CELF2: variants seen among roughly 807,000 people sequenced by gnomAD.
CELF2 encodes CUG triplet repeat RNA-binding protein 2.
A neutral mutation model predicts 62.6 loss-of-function variants in CELF2; 8 were observed. The ratio of observed to expected loss-of-function variants is 0.13; its 90% CI spans 0.07 to 0.23. The LOEUF is 0.23. CELF2 is among the 10% of genes least tolerant of loss of function. CELF2 has a pLI of 1.00. For synonymous variants in CELF2, 258 were observed against 250.0 expected (o/e 1.03, Z -0.30); for missense variants, 333 against 671.0 (o/e 0.50, Z 5.56).
the CELF2 span, among the ~76,000 whole-genome samples, chr10:10,547,680 A>G: frequency 7.6e-6 from 1 of 131,964 alleles, no homozygotes; most frequent in Admixed American, 7.6e-5. Flanking sequence ...AGATAGAGAG[A>G]GAGAGAGAGA....
chr10:11,120,601 C>T (rs887171350), intron 1 of CELF2, among the ~76,000 whole-genome samples: 1 of 152,162 alleles, frequency 6.6e-6, no homozygotes, highest in Non-Finnish European at 1.5e-5. Context: ...GGAGAGCACT[C>T]TTGCCCTTCA....
intron 1 of CELF2, among the ~76,000 whole-genome samples, chr10:11,114,061 G>A (rs1313704115): frequency 6.6e-6 from 1 of 152,118 alleles, no homozygotes; most frequent in African/African-American, 2.4e-5. Context: ...CCAATTCTGG[G>A]AAATGCTTCT....
chr10:10,631,278 C>T, the CELF2 span, among the ~76,000 whole-genome samples: 2 of 152,102 alleles, frequency 1.3e-5, no homozygotes, highest in African/African-American at 4.8e-5. Flanking sequence ...CTAAAGAAAA[C>T]GCTAGTTCAA....
chr10:10,515,125 A>G, the CELF2 span, among the ~76,000 whole-genome samples: 1 of 152,214 alleles, frequency 6.6e-6, no homozygotes, highest in African/African-American at 2.4e-5. Context: ...GAGAGCTACT[A>G]GGGACAGAGG....
chr10:11,212,350 G>A (rs765090624), intron 2 of CELF2, among the ~76,000 whole-genome samples: 34 of 152,114 alleles, frequency 2.2e-4, no homozygotes, highest in Non-Finnish European at 4.4e-4. Flanking sequence ...CCCCGGGCCT[G>A]CCTTCACAGA....
chr10:10,956,929 G>A lies in CELF2; in HGVS notation c.89+36930G>A, dbSNP rs115704732. 1.4e-3 allele frequency among the ~76,000 whole-genome samples: 216 copies of A among 149,588 alleles called. 1 individual carries two copies. The highest frequency in any genetic ancestry group is 6.9e-3 in the Middle Eastern group (2 of 288). On this transcript the variant is annotated intron_variant, in intron 2 of 13. Coordinates refer to the CELF2 transcript ENST00000636488. Reference sequence around the variant, plus strand: ...AGCCTGGGCGGTAGACCAAGACACCGTCTCTTAAAAAAAAAAAAAGAAAAA... The same window carrying A: ...AGCCTGGGCGGTAGACCAAGACACCATCTCTTAAAAAAAAAAAAAGAAAAA...
intron 12 of CELF2, among the ~76,000 whole-genome samples, chr10:11,326,294 C>A (rs1352219376): frequency 1.3e-5 from 2 of 152,238 alleles, no homozygotes; most frequent in Admixed American, 6.5e-5. Flanking sequence ...TGGGCAACAC[C>A]ATATTGGGGG....
the CELF2 span, among the ~76,000 whole-genome samples, chr10:10,653,043 CA>C: frequency 2.6e-5 from 4 of 151,700 alleles, no homozygotes; most frequent in Non-Finnish European, 4.4e-5. Context: ...AAATGGAAAA[CA>C]AAAAAAGGCA....
intron 7 of CELF2, among the ~76,000 whole-genome samples, chr10:11,272,064 C>T (rs2084011429): frequency 6.6e-6 from 1 of 152,186 alleles, no homozygotes; most frequent in Admixed American, 6.5e-5. Context: ...TTAGCTGCCC[C>T]ACCCCCAGTG....
chr10:11,004,263 A>G (rs2054826727), upstream of CELF2, among the ~76,000 whole-genome samples: 1 of 152,130 alleles, frequency 6.6e-6, no homozygotes, highest in Admixed American at 6.6e-5. The surrounding 1 kb of genome is among the most constrained non-coding windows in gnomAD (Gnocchi z 5.0). Flanking sequence ...TCAGTGACCC[A>G]CGTCTGTTTG....
At chr10:10,781,170 C>T in the CELF2 span, among the ~76,000 whole-genome samples, 2 of 152,316 alleles carry the variant, frequency 1.3e-5, no homozygotes, top group African/African-American at 4.8e-5. Context: ...CACATAATGG[C>T]ATTTTGGTCA....
chr10:11,185,461 C>CT (rs775852446), intron 2 of CELF2, among the ~76,000 whole-genome samples: 6 of 152,210 alleles, frequency 3.9e-5, no homozygotes, highest in Non-Finnish European at 5.9e-5. Context: ...GTCACCCAGG[C>CT]TAGAGTTCAA....
chr10:11,002,448 C>T (rs2054611471), upstream of CELF2, among the ~76,000 whole-genome samples: 1 of 152,166 alleles, frequency 6.6e-6, no homozygotes, highest in Non-Finnish European at 1.5e-5. The surrounding 1 kb of genome is among the most constrained non-coding windows in gnomAD (Gnocchi z 4.4). Flanking sequence ...ACTAAGCACT[C>T]CTTAAAAACT....
At chr10:10,869,724 T>C (rs769322494) in intron 1 of CELF2, among the ~76,000 whole-genome samples, 4 of 152,214 alleles carry the variant, frequency 2.6e-5, no homozygotes, top group African/African-American at 9.6e-5. Flanking sequence ...TACTTTCGTA[T>C]GGTGTCTACT....
chr10:11,059,140 C>T (rs1354905256), intron 1 of CELF2, among the ~76,000 whole-genome samples: 1 of 152,172 alleles, frequency 6.6e-6, no homozygotes, highest in African/African-American at 2.4e-5. Flanking sequence ...TACTTCAGCG[C>T]CCTCCACTAG....
At chr10:11,048,233 A>G (rs555635564) in intron 1 of CELF2, among the ~76,000 whole-genome samples, 22 of 152,232 alleles carry the variant, frequency 1.4e-4, no homozygotes, top group Non-Finnish European at 2.6e-4. Context: ...GGAAAGAGGG[A>G]GAGTTTTATA....
the CELF2 span, among the ~76,000 whole-genome samples, chr10:10,770,909 G>A: frequency 6.6e-6 from 1 of 152,116 alleles, no homozygotes; most frequent in Non-Finnish European, 1.5e-5. Context: ...GTCACCTGTG[G>A]TGCTGTTTAA....
chr10:11,039,694 T>C lies in CELF2; in HGVS notation c.74+21531T>C, dbSNP rs2061505278. 6.6e-6 allele frequency among the ~76,000 whole-genome samples: 1 copy of C among 152,232 alleles called. No homozygotes were observed. The highest frequency in any genetic ancestry group is 1.5e-5 in the Non-Finnish European group (1 of 68,038). ...AAGTGTACTTCATAATTTTGATCAT[T>C]GAACCAGGAACATTATGTACCAGTT... is the stretch of plus-strand genomic sequence containing the variant. On this transcript the variant is annotated intron_variant, in intron 1 of 12. Coordinates refer to ENST00000633077, the MANE Select transcript of CELF2 (RefSeq NM_001326342.2). This position sits in a 1 kb window ranked among gnomAD's most constrained non-coding sequence, Gnocchi z 4.1.
intron 2 of CELF2, among the ~76,000 whole-genome samples, chr10:10,920,187 G>A (rs949284365): frequency 6.6e-6 from 1 of 152,204 alleles, no homozygotes; most frequent in Non-Finnish European, 1.5e-5. Flanking sequence ...TAACCAGGAA[G>A]TAATGAGGCT....
Sources: allele counts gnomAD v4.1 joint callset (sites outside exome capture counted in the v4.1 genomes callset), GRCh38; gene constraint gnomAD v4.1.1; non-coding constraint Gnocchi (gnomAD v3.1); transcripts MANE v1.5; gene names NCBI Gene and HGNC (gene_info 2026-07-23, HGNC 2026-07-21).